AIM2: variants seen among roughly 807,000 people sequenced by gnomAD.
AIM2 encodes the protein interferon-inducible protein AIM2.
A neutral mutation model predicts 27.7 loss-of-function variants in AIM2; 30 were observed. The observed-to-expected ratio is 1.08, with a 90% CI of 0.81 to 1.47. The LOEUF (loss-of-function observed/expected upper bound fraction) is 1.47, where lower values mean the gene tolerates loss of function less well. Ranked by LOEUF, AIM2 falls within the 40% of genes most tolerant of loss-of-function variation. The probability of loss-of-function intolerance (pLI) is 0.00; values close to 1 mark genes in which losing one functional copy is unlikely to be tolerated. For synonymous variants in AIM2, 141 were observed against 145.3 expected (o/e 0.97, Z 0.21); for missense variants, 358 against 411.3 (o/e 0.87, Z 1.12).
At chr1:159,084,780 C>CACACACACACACACACACACAA (rs1656865652) in intron 1 of AIM2, among the ~76,000 whole-genome samples, 1 of 122,746 alleles carries the variant, frequency 8.1e-6, no homozygotes, top group Non-Finnish European at 1.6e-5. Flanking sequence ...GTCTGAAATA[C>CACACACACACACACACACACAA]ACACACACAC....
At chr1:159,127,835 A>T (rs1342664466) in intron 1 of AIM2, among the ~76,000 whole-genome samples, 4 of 152,092 alleles carry the variant, frequency 2.6e-5, no homozygotes, top group Non-Finnish European at 5.9e-5. Flanking sequence ...GTTGTTTATA[A>T]ACCACCAGGT....
At chr1:159,132,748 T>C (rs1647922414) in intron 1 of AIM2, among the ~76,000 whole-genome samples, 1 of 152,138 alleles carries the variant, frequency 6.6e-6, no homozygotes, top group Non-Finnish European at 1.5e-5. Flanking sequence ...TATTAATATA[T>C]GTATGTGAAT....
At chr1:159,146,420 A>G (rs73023773) in intron 1 of AIM2, among the ~76,000 whole-genome samples, 5,347 of 150,642 alleles carry the variant, frequency 0.035, 297 homozygotes, top group African/African-American at 0.12. Context: ...GTCTTCTTAC[A>G]TTTTCTTCTT....
chr1:159,059,290 ATATC>A (rs1194700912), downstream of AIM2, among the ~76,000 whole-genome samples: 2 of 152,040 alleles, frequency 1.3e-5, no homozygotes, highest in Non-Finnish European at 2.9e-5. Context: ...ACACATATAT[ATATC>A]TGTGTATGTA....
intron 1 of AIM2, among the ~76,000 whole-genome samples, chr1:159,084,794 C>CACACAT (rs1293660508): frequency 6.7e-6 from 1 of 149,684 alleles, no homozygotes; most frequent in Non-Finnish European, 1.5e-5. Flanking sequence ...CACACACACA[C>CACACAT]ACACACACAC....
chr1:159,074,349 A>G (rs1244511002), intron 1 of AIM2, among the ~76,000 whole-genome samples: 1 of 152,148 alleles, frequency 6.6e-6, no homozygotes, highest in African/African-American at 2.4e-5. Context: ...GCTTTGAGTT[A>G]ATTTGTATAT....
intron 1 of AIM2, among the ~76,000 whole-genome samples, chr1:159,099,020 T>C (rs1333327016): frequency 7.2e-6 from 1 of 139,720 alleles, no homozygotes; most frequent in Admixed American, 7.2e-5. Context: ...TTTTTTTTTT[T>C]CCATCAGTGC....
intron 2 of AIM2, among the ~76,000 whole-genome samples, chr1:159,071,341 T>G (rs1656355451): frequency 6.6e-6 from 1 of 152,154 alleles, no homozygotes. Context: ...GATTAACTGT[T>G]CAAAAAATAA....
the AIM2 span, chr1:159,055,067 AGT>A: frequency 2.5e-6 from 1 of 407,684 alleles, no homozygotes; most frequent in Admixed American, 4.2e-5. Context: ...AATTTTTCAT[AGT>A]TTTTTTTTAA....
rs371460238 is a variant in AIM2 at position 159,065,965 on chromosome 1, G to A, written c.761C>T (p.Thr254Met). ...RKAGETPKIN[T>M]LQTQPLGTIV... is the part of the protein sequence containing the mutation. ...TGTTCCAAGGGGCTGAGTTTGAAGCGTGTTGATCTTCGGGGTTTCACCAGC... is the reference window on the plus strand; with the variant it reads ...TGTTCCAAGGGGCTGAGTTTGAAGCATGTTGATCTTCGGGGTTTCACCAGC... Residue 254 changes from threonine to methionine, a missense_variant, in exon 4 of 6, where the codon ACG (threonine) becomes ATG (methionine). Physicochemically the swap from Thr to Met is moderately conservative, Grantham distance 81. Coordinates refer to ENST00000368130, the MANE Select transcript of AIM2 (RefSeq NM_004833.3). 26 of 1,614,014 alleles carry A rather than the reference G, an allele frequency of 1.6e-5. No individual in the cohort carries two copies. Among genetic ancestry groups the A allele is most frequent in the Non-Finnish European group, 2.2e-5 (26 of 1,180,032 alleles).
chr1:159,063,481 C>T lies in AIM2; in HGVS notation c.1005+5G>A. On this transcript the variant is annotated splice_donor_5th_base_variant and intron_variant, in intron 5 of 5. Coordinates refer to ENST00000368130, the MANE Select transcript of AIM2 (RefSeq NM_004833.3). The stretch of plus-strand genomic sequence containing the variant: ...AGAGTTGACTTTGTTCCATGCAGTT[C>T]CCACCTTTATGGTGCTATGAACTCC... 1 of 1,608,290 alleles carries T rather than the reference C, an allele frequency of 6.2e-7. No homozygotes were observed. The highest frequency in any genetic ancestry group is 1.1e-5 in the South Asian group (1 of 89,694).
At chr1:159,077,024 G>T (rs554537035), upstream of AIM2, 1 of 152,406 alleles carries the variant, frequency 6.6e-6, no homozygotes, top group African/African-American at 2.4e-5. Flanking sequence ...AAGGGGCCTG[G>T]TGATGACATT....
intron 2 of AIM2, among the ~76,000 whole-genome samples, chr1:159,072,298 C>T (rs983263072): frequency 6.6e-6 from 1 of 152,216 alleles, no homozygotes; most frequent in Non-Finnish European, 1.5e-5. Flanking sequence ...TATGAATGTA[C>T]ATAGTATCAC....
intron 1 of AIM2, among the ~76,000 whole-genome samples, chr1:159,095,016 GA>G (rs1042700201): frequency 2.0e-5 from 3 of 151,568 alleles, no homozygotes; most frequent in Non-Finnish European, 4.4e-5. Flanking sequence ...AATCATTACT[GA>G]AAAAAAATCC....
intron 1 of AIM2, among the ~76,000 whole-genome samples, chr1:159,121,590 A>C (rs542338721): frequency 6.6e-6 from 1 of 152,210 alleles, no homozygotes; most frequent in African/African-American, 2.4e-5. Flanking sequence ...ATCTATACCT[A>C]GGCTCCCAGC....
chr1:159,055,077 TAATAA>T, the AIM2 span: 1 of 404,668 alleles, frequency 2.5e-6, no homozygotes, highest in East Asian at 3.7e-5. Context: ...AGTTTTTTTT[TAATAA>T]AATGGCATAT....
chr1:159,137,170 G>A (rs1199527051), intron 1 of AIM2, among the ~76,000 whole-genome samples: 1 of 152,224 alleles, frequency 6.6e-6, no homozygotes, highest in African/African-American at 2.4e-5. Flanking sequence ...GTGATTGCCA[G>A]TGGCACTAGA....
At chr1:159,077,738 G>T (rs932709502), upstream of AIM2, among the ~76,000 whole-genome samples, 1 of 152,068 alleles carries the variant, frequency 6.6e-6, no homozygotes, top group Non-Finnish European at 1.5e-5. Flanking sequence ...CCTAACCCAG[G>T]CTCCTAACCC....
At chr1:159,093,251 C>T (rs1234051907) in intron 1 of AIM2, among the ~76,000 whole-genome samples, 1 of 152,032 alleles carries the variant, frequency 6.6e-6, no homozygotes, top group Non-Finnish European at 1.5e-5. Context: ...CAAGATCTAG[C>T]ATGATACTTC....
Sources: allele counts gnomAD v4.1 joint callset (sites outside exome capture counted in the v4.1 genomes callset), GRCh38; gene constraint gnomAD v4.1.1; transcripts MANE v1.5; gene names NCBI Gene and HGNC (gene_info 2026-07-23, HGNC 2026-07-21).